The following KCNIP4 variants were observed in gnomAD, a reference collection of about 807,000 sequenced individuals.
The protein encoded by KCNIP4 is Kv channel-interacting protein 4.
KCNIP4 carries 12 observed loss-of-function variants against 34.0 expected under a neutral mutation model. The observed-to-expected ratio is 0.35, with a 90% CI of 0.23 to 0.57. The LOEUF is 0.57. Ranked by LOEUF, KCNIP4 falls within the 20% of genes least tolerant of loss-of-function variation. KCNIP4 has a pLI of 0.83. For missense variants in KCNIP4, 238 were observed against 311.7 expected (o/e 0.76, Z 1.78); for synonymous variants, 124 against 102.2 (o/e 1.21, Z -1.29).
chr4:21,892,839 T>C (rs1727183868), intron 1 of KCNIP4, among the ~76,000 whole-genome samples: 1 of 152,154 alleles, frequency 6.6e-6, no homozygotes, highest in African/African-American at 2.4e-5. Context: ...AATAGATATG[T>C]TATTCCCACT....
intron 3 of KCNIP4, among the ~76,000 whole-genome samples, chr4:20,847,633 C>A (rs1003581994): frequency 2.6e-5 from 4 of 152,120 alleles, no homozygotes; most frequent in Non-Finnish European, 5.9e-5. Flanking sequence ...ATATTTCTCT[C>A]ACTATCTTCC....
chr4:21,528,535 C>T (rs927192797), intron 1 of KCNIP4, among the ~76,000 whole-genome samples: 17 of 151,288 alleles, frequency 1.1e-4, no homozygotes, highest in African/African-American at 3.7e-4. Context: ...GGTGTGGTGG[C>T]GGGCGCCTAT....
At chr4:21,359,658 T>C (rs1221431691) in intron 1 of KCNIP4, among the ~76,000 whole-genome samples, 4 of 152,138 alleles carry the variant, frequency 2.6e-5, no homozygotes, top group Non-Finnish European at 4.4e-5. Context: ...TTCCATTCTC[T>C]TAAACTCATC....
intron 1 of KCNIP4, among the ~76,000 whole-genome samples, chr4:20,884,402 C>T (rs1237461071): frequency 1.3e-5 from 2 of 151,764 alleles, no homozygotes; most frequent in Non-Finnish European, 2.9e-5. Flanking sequence ...TCCCCTTGAC[C>T]CCCACCCCCT....
intron 1 of KCNIP4, among the ~76,000 whole-genome samples, chr4:21,016,185 C>T (rs530220971): frequency 6.6e-5 from 10 of 151,388 alleles, no homozygotes; most frequent in Non-Finnish European, 1.2e-4. Context: ...CCTTTTCTGC[C>T]TCCTTACAAA....
At chr4:20,827,505 T>C (rs12650552) in intron 3 of KCNIP4, among the ~76,000 whole-genome samples, 28,094 of 152,060 alleles carry the variant, frequency 0.18, 2,763 homozygotes, top group South Asian at 0.4. Context: ...AAATGTCTCT[T>C]TGAAACCATT....
intron 1 of KCNIP4, among the ~76,000 whole-genome samples, chr4:21,049,420 C>T (rs998000308): frequency 6.6e-6 from 1 of 152,114 alleles, no homozygotes; most frequent in Non-Finnish European, 1.5e-5. Flanking sequence ...GATAATTGGA[C>T]TAATATTCAT....
intron 1 of KCNIP4, among the ~76,000 whole-genome samples, chr4:21,073,536 G>T (rs1745177958): frequency 6.6e-6 from 1 of 152,104 alleles, no homozygotes; most frequent in Admixed American, 6.6e-5. Context: ...GAGATTTTGG[G>T]CTGAGACAAT....
intron 2 of KCNIP4, among the ~76,000 whole-genome samples, chr4:20,853,392 A>G (rs1277454884): frequency 6.6e-6 from 1 of 152,200 alleles, no homozygotes; most frequent in Non-Finnish European, 1.5e-5. Context: ...GAGTGGGGGA[A>G]AGGACACCCT....
chr4:21,267,370 C>A (rs1348207564), intron 1 of KCNIP4, among the ~76,000 whole-genome samples: 1 of 146,464 alleles, frequency 6.8e-6, no homozygotes, highest in Non-Finnish European at 1.5e-5. Context: ...AAAAAAAAAA[C>A]TCTTCTGACA....
chr4:20,836,166 C>T (rs1224825372), intron 3 of KCNIP4, among the ~76,000 whole-genome samples: 2 of 152,180 alleles, frequency 1.3e-5, no homozygotes, highest in African/African-American at 4.8e-5. Context: ...GTCTGCAAGA[C>T]TCTGCTTGAC....
At chr4:21,024,624 A>AT (rs1740367149) in intron 1 of KCNIP4, among the ~76,000 whole-genome samples, 1 of 152,198 alleles carries the variant, frequency 6.6e-6, no homozygotes, top group Admixed American at 6.5e-5. Flanking sequence ...GTCATTAAAC[A>AT]CCCAGCAATA....
At chr4:20,777,550 C>G (rs1756478473) in intron 3 of KCNIP4, among the ~76,000 whole-genome samples, 1 of 152,174 alleles carries the variant, frequency 6.6e-6, no homozygotes, top group Non-Finnish European at 1.5e-5. Context: ...TATGGTCTTC[C>G]ATGAACCAGG....
intron 1 of KCNIP4, among the ~76,000 whole-genome samples, chr4:21,062,128 C>A (rs187713963): frequency 9.3e-4 from 142 of 152,248 alleles, no homozygotes; most frequent in African/African-American, 3.1e-3. Context: ...GCATTCATTC[C>A]TTCAACCTTT....
chr4:20,729,551 A>G lies in KCNIP4; in HGVS notation c.*531T>C, dbSNP rs1362105462. ...ATTTCTAACAGAAGGTGGGAAGGCC[A>G]TAGAAACTGGAACTATGTGTTTTTT... On this transcript the variant is annotated 3_prime_UTR_variant, in exon 9 of 9. Transcript: ENST00000382152. 1 of 149,426 alleles carries G rather than the reference A, an allele frequency of 6.7e-6. No individual in the cohort carries two copies. The highest frequency in any genetic ancestry group is 1.5e-5 in the Non-Finnish European group (1 of 67,044). 9.3% of individuals were successfully genotyped at this position (149,426 alleles called of 1,614,324 possible).
chr4:20,850,236 C>A (rs1318808346), intron 3 of KCNIP4: 2 of 186,718 alleles, frequency 1.1e-5, no homozygotes, highest in Non-Finnish European at 2.2e-5. Context: ...ACTAAGGAAA[C>A]AATGGAAGTT....
At chr4:21,776,361 G>T (rs753437295) in intron 1 of KCNIP4, among the ~76,000 whole-genome samples, 2 of 151,986 alleles carry the variant, frequency 1.3e-5, no homozygotes, top group East Asian at 1.9e-4. Flanking sequence ...GCCTCCGAAC[G>T]TTGCTGTTTC....
chr4:21,253,701 C>A (rs1760873232), intron 1 of KCNIP4, among the ~76,000 whole-genome samples: 1 of 152,178 alleles, frequency 6.6e-6, no homozygotes, highest in Admixed American at 6.6e-5. Flanking sequence ...GGAGCTAAAT[C>A]ATAATCTCTG....
At chr4:20,781,647 G>A (rs532409972) in intron 3 of KCNIP4, among the ~76,000 whole-genome samples, 13 of 152,176 alleles carry the variant, frequency 8.5e-5, no homozygotes, top group African/African-American at 3.1e-4. Flanking sequence ...AACAGTATGG[G>A]GAAAACCACC....
Sources: allele counts gnomAD v4.1 joint callset (sites outside exome capture counted in the v4.1 genomes callset), GRCh38; gene constraint gnomAD v4.1.1; transcripts MANE v1.5; gene names NCBI Gene and HGNC (gene_info 2026-07-23, HGNC 2026-07-21).